The following CDH4 variants were observed in gnomAD, a reference collection of about 807,000 sequenced individuals.
The protein encoded by CDH4 is cadherin 4.
CDH4 carries 33 observed loss-of-function variants against 86.0 expected under a neutral mutation model. The ratio of observed to expected loss-of-function variants is 0.38; its 90% CI spans 0.29 to 0.51. The LOEUF (loss-of-function observed/expected upper bound fraction) is 0.51. Ranked by LOEUF, CDH4 falls within the 20% of genes least tolerant of loss-of-function variation. The probability of loss-of-function intolerance (pLI) is 0.86; values close to 1 mark genes in which losing one functional copy is unlikely to be tolerated. For synonymous variants in CDH4, 555 were observed against 549.4 expected, an observed-to-expected ratio of 1.01 and a Z score of -0.14; for missense variants, 1,114 against 1,307.4, an observed-to-expected ratio of 0.85 and a Z score of 2.28.
At chr20:61,787,588 G>A (rs2146009586) in intron 4 of CDH4, among the ~76,000 whole-genome samples, 1 of 152,338 alleles carries the variant, frequency 6.6e-6, no homozygotes, top group Non-Finnish European at 1.5e-5. Flanking sequence ...ACCCCCAGGT[G>A]TGCTGTTGTG....
chr20:61,713,898 C>T (rs1434302097), intron 2 of CDH4, among the ~76,000 whole-genome samples: 3 of 152,188 alleles, frequency 2.0e-5, no homozygotes, highest in Non-Finnish European at 4.4e-5. Flanking sequence ...GACCCCCATG[C>T]TCAGCTTTCC....
At chr20:61,629,642 G>A (rs1000199854) in intron 2 of CDH4, among the ~76,000 whole-genome samples, 2 of 152,176 alleles carry the variant, frequency 1.3e-5, no homozygotes, top group African/African-American at 2.4e-5. Context: ...CACTTAAGGC[G>A]GCCGCGGTTT....
chr20:61,740,078 CAAAAGG>C (rs2088315418), intron 2 of CDH4, among the ~76,000 whole-genome samples: 1 of 152,132 alleles, frequency 6.6e-6, no homozygotes, highest in Admixed American at 6.5e-5. Context: ...AAAAAGGAAG[CAAAAGG>C]AAGGAAGCAG....
In CDH4 at chr20:61,632,838, CCCCACCCTCCCACCCT is replaced by C. The variant is rs1157306432; in HGVS notation, c.170-110717_170-110702del. Among the ~76,000 whole-genome samples, 13 of 108,304 alleles carry C rather than the reference CCCCACCCTCCCACCCT, an allele frequency of 1.2e-4. 1 individual carries two copies. The South Asian group carries it at 4.8e-3, about 40-fold the overall frequency. The allele number at this position is 108,304 out of a possible 152,430, so 71.1% of individuals were successfully genotyped here. ...CCGCTTCCTCTTCCTCTCCTCCTCT[CCCCACCCTCCCACCCT>C]CCCACCCACTCACTTCTCCATCCAC... is the stretch of plus-strand genomic sequence containing the variant. On this transcript the variant is annotated intron_variant, in intron 2 of 15. Transcript: ENST00000614565.
chr20:61,668,486 C>T (rs568472658), intron 2 of CDH4, among the ~76,000 whole-genome samples: 19 of 152,324 alleles, frequency 1.2e-4, no homozygotes, highest in South Asian at 1.2e-3. Context: ...TGGAGGCTGT[C>T]GTGGGGCGTG....
intron 2 of CDH4, among the ~76,000 whole-genome samples, chr20:61,398,195 T>G (rs545684053): frequency 6.6e-6 from 1 of 152,230 alleles, no homozygotes; most frequent in Non-Finnish European, 1.5e-5. Context: ...CCTCCAAAGA[T>G]TTCCGGCTTT....
Position 61,510,728 on chromosome 20 carries a change from AATTGT to A in CDH4, c.170-232831_170-232827del, listed in dbSNP as rs2145612443. On this transcript the variant is annotated intron_variant, in intron 2 of 15. Coordinates refer to ENST00000614565, the MANE Select transcript of CDH4 (RefSeq NM_001794.5). This position sits in a 1 kb window ranked among gnomAD's most constrained non-coding sequence, Gnocchi z 4.2. ...CATTATATAGAGGAGGCAGGTTGAA[AATTGT>A]ATTAGGCTGTTCTTGCATTGCTATA... is the stretch of plus-strand genomic sequence containing the variant. Among the ~76,000 whole-genome samples, 1 of 152,234 alleles carries A rather than the reference AATTGT, an allele frequency of 6.6e-6. No individual in the cohort carries two copies. The highest frequency in any genetic ancestry group is 1.9e-4 in the East Asian group (1 of 5,176).
At chr20:61,899,053 T>C (rs1432279673) in intron 8 of CDH4, among the ~76,000 whole-genome samples, 2 of 152,170 alleles carry the variant, frequency 1.3e-5, no homozygotes, top group African/African-American at 4.8e-5. Flanking sequence ...TCCCAGCACT[T>C]TGGGAGGCCA....
At chr20:61,835,542 G>A (rs570882853) in intron 4 of CDH4, among the ~76,000 whole-genome samples, 2 of 152,156 alleles carry the variant, frequency 1.3e-5, no homozygotes, top group Admixed American at 6.5e-5. Flanking sequence ...CCCAGAAGAC[G>A]GAGTGGGGCT....
At chr20:61,597,660 G>C (rs2086566829) in intron 2 of CDH4, among the ~76,000 whole-genome samples, 1 of 152,326 alleles carries the variant, frequency 6.6e-6, no homozygotes, top group African/African-American at 2.4e-5. Flanking sequence ...AACAGGACAG[G>C]CAGGGCCTCC....
At chr20:61,560,285 G>A (rs905541684) in intron 2 of CDH4, among the ~76,000 whole-genome samples, 3 of 152,078 alleles carry the variant, frequency 2.0e-5, no homozygotes, top group Non-Finnish European at 4.4e-5. Context: ...AGTTTCAGGG[G>A]GTACATGTGC....
chr20:61,855,075 G>A (rs1302487025), intron 6 of CDH4, among the ~76,000 whole-genome samples: 1 of 138,368 alleles, frequency 7.2e-6, no homozygotes, highest in Non-Finnish European at 1.5e-5. Context: ...CAGGGCTGCA[G>A]TGTGAACAGG....
chr20:61,771,923 AG>A (rs1388571469), intron 3 of CDH4, among the ~76,000 whole-genome samples: 1 of 152,018 alleles, frequency 6.6e-6, no homozygotes, highest in Non-Finnish European at 1.5e-5. Context: ...CCAGCTGTGG[AG>A]TTACTGGATC....
chr20:61,533,704 A>C (rs929389717), intron 2 of CDH4, among the ~76,000 whole-genome samples: 4 of 152,204 alleles, frequency 2.6e-5, no homozygotes, highest in African/African-American at 4.8e-5. Context: ...ATGAGACTAG[A>C]TGGGCCCCCA....
At chr20:61,863,121 T>C (rs1369575221) in intron 6 of CDH4, among the ~76,000 whole-genome samples, 3 of 152,192 alleles carry the variant, frequency 2.0e-5, no homozygotes, top group Admixed American at 1.3e-4. Context: ...ATTGAAGGCT[T>C]GTGAAATTAA....
chr20:61,519,771 C>G (rs570540674), intron 2 of CDH4, among the ~76,000 whole-genome samples: 1 of 152,220 alleles, frequency 6.6e-6, no homozygotes, highest in Admixed American at 6.5e-5. Context: ...AGGCAGACTG[C>G]GTGGTGGTGG....
At chr20:61,690,718 G>A (rs79784112) in intron 2 of CDH4, among the ~76,000 whole-genome samples, 2,666 of 152,232 alleles carry the variant, frequency 0.018, 73 homozygotes, top group African/African-American at 0.061. Flanking sequence ...CCCACCCACC[G>A]ACCAGGGAGA....
intron 2 of CDH4, chr20:61,740,488 A>G (rs1465149558): frequency 6.6e-6 from 1 of 152,164 alleles, no homozygotes; most frequent in African/African-American, 2.4e-5. Context: ...CTCTTTCCTT[A>G]TGAAAGAGGC....
At chr20:61,613,609 A>G (rs1284996900) in intron 2 of CDH4, among the ~76,000 whole-genome samples, 1 of 152,044 alleles carries the variant, frequency 6.6e-6, no homozygotes, top group East Asian at 1.9e-4. Context: ...AAAAAAAAAA[A>G]AAAGATCTAG....
Sources: allele counts gnomAD v4.1 joint callset (sites outside exome capture counted in the v4.1 genomes callset), GRCh38; gene constraint gnomAD v4.1.1; non-coding constraint Gnocchi (gnomAD v3.1); transcripts MANE v1.5; gene names NCBI Gene and HGNC (gene_info 2026-07-23, HGNC 2026-07-21).